SV2C: variants seen among roughly 807,000 people sequenced by gnomAD.
The protein encoded by SV2C is solute carrier family 22 member B3.
A neutral mutation model predicts 79.7 loss-of-function variants in SV2C; 49 were observed. The ratio of observed to expected loss-of-function variants is 0.61; its 90% CI spans 0.49 to 0.78. SV2C has a LOEUF of 0.78. SV2C is among the 30% of genes least tolerant of loss of function. The pLI is 0.00. For missense variants in SV2C, 833 were observed against 912.9 expected (o/e 0.91, Z 1.13); for synonymous variants, 334 against 333.2 (o/e 1.00, Z -0.03).
chr5:76,183,209 G>A (rs1021112261), intron 2 of SV2C, among the ~76,000 whole-genome samples: 19 of 151,520 alleles, frequency 1.3e-4, no homozygotes, highest in Non-Finnish European at 1.9e-4. Context: ...ATTTTTCGTA[G>A]AGACAGGGTT....
At chr5:76,098,345 T>C (rs1747632383) in intron 1 of SV2C, among the ~76,000 whole-genome samples, 1 of 152,114 alleles carries the variant, frequency 6.6e-6, no homozygotes, top group African/African-American at 2.4e-5. Context: ...GATATTATAT[T>C]TTCCTATTAA....
the SV2C span, among the ~76,000 whole-genome samples, chr5:75,979,680 G>A: frequency 3.9e-5 from 6 of 151,922 alleles, no homozygotes; most frequent in Admixed American, 2.6e-4. Flanking sequence ...TGAAACTAAT[G>A]AGAACGAAGA....
At chr5:76,351,139 G>GA in intron 12 of SV2C, among the ~76,000 whole-genome samples, 1 of 152,160 alleles carries the variant, frequency 6.6e-6, no homozygotes, top group East Asian at 1.9e-4. Context: ...GGCGGCCATT[G>GA]ACCTGAATAA....
the SV2C span, among the ~76,000 whole-genome samples, chr5:76,025,173 GT>G: frequency 0.068 from 9,410 of 138,302 alleles, 436 homozygotes; most frequent in African/African-American, 0.14. Context: ...CCTTGAGCAC[GT>G]TTTTTTTTTT....
chr5:75,870,194 G>T, the SV2C span, among the ~76,000 whole-genome samples: 30 of 151,954 alleles, frequency 2.0e-4, no homozygotes, highest in Non-Finnish European at 1.0e-4. Context: ...GAGAAACAAA[G>T]ACATGTGACT....
chr5:76,198,486 A>C (rs1007499769), intron 3 of SV2C, among the ~76,000 whole-genome samples: 2 of 152,128 alleles, frequency 1.3e-5, no homozygotes, highest in East Asian at 3.9e-4. Flanking sequence ...CCAGATGCCC[A>C]GTCTTCCAGC....
At chr5:76,030,217 T>C in the SV2C span, among the ~76,000 whole-genome samples, 1 of 150,762 alleles carries the variant, frequency 6.6e-6, no homozygotes, top group South Asian at 2.1e-4. Flanking sequence ...CACATTTTGG[T>C]TTGGTTTAAT....
intron 1 of SV2C, among the ~76,000 whole-genome samples, chr5:76,090,964 C>T (rs986327124): frequency 2.0e-5 from 3 of 152,168 alleles, no homozygotes; most frequent in Admixed American, 1.3e-4. Context: ...CGACTAGCCT[C>T]TTTTAAAATG....
chr5:76,319,959 A>G (rs1324576627), intron 12 of SV2C, among the ~76,000 whole-genome samples: 1 of 152,158 alleles, frequency 6.6e-6, no homozygotes, highest in Non-Finnish European at 1.5e-5. Context: ...TTATCTTACT[A>G]CTACAACATA....
chr5:75,920,394 AT>A, the SV2C span, among the ~76,000 whole-genome samples: 1 of 152,370 alleles, frequency 6.6e-6, no homozygotes, highest in East Asian at 1.9e-4. Flanking sequence ...GTCATCAAAA[AT>A]AAATGCAGTT....
chr5:76,291,362 G>A (rs1747558198), intron 7 of SV2C, 31 bp downstream of exon 7: 1 of 1,531,752 alleles, frequency 6.5e-7, no homozygotes, highest in Middle Eastern at 1.7e-4. Context: ...TGACCTGCAT[G>A]TTAATTTATT....
chr5:76,264,265 G>A (rs564478190), intron 4 of SV2C, among the ~76,000 whole-genome samples: 2 of 151,974 alleles, frequency 1.3e-5, no homozygotes, highest in African/African-American at 4.8e-5. Context: ...TTCTCCTGCT[G>A]TGTTTTTCAG....
the SV2C span, among the ~76,000 whole-genome samples, chr5:76,040,079 A>G: frequency 1.3e-5 from 2 of 152,234 alleles, no homozygotes; most frequent in Non-Finnish European, 2.9e-5. Context: ...AGTTATATAT[A>G]TCTCCTTGCT....
At chr5:76,208,127 T>A (rs944737367) in intron 3 of SV2C, among the ~76,000 whole-genome samples, 2 of 152,176 alleles carry the variant, frequency 1.3e-5, no homozygotes, top group Non-Finnish European at 2.9e-5. Flanking sequence ...CTGATATAGA[T>A]GCCTAAAGTT....
chr5:75,953,292 C>T, the SV2C span, among the ~76,000 whole-genome samples: 3 of 151,926 alleles, frequency 2.0e-5, no homozygotes, highest in Non-Finnish European at 2.9e-5. Flanking sequence ...CTTCCATGAC[C>T]AAATACCTCC....
chr5:76,066,604 T>TA, the SV2C span, among the ~76,000 whole-genome samples: 2 of 151,400 alleles, frequency 1.3e-5, no homozygotes, highest in Non-Finnish European at 2.9e-5. Context: ...TAAAGCATAA[T>TA]AAAAAAGAAG....
chr5:76,254,230 A>T (rs1015735569), intron 4 of SV2C, among the ~76,000 whole-genome samples: 1 of 147,872 alleles, frequency 6.8e-6, no homozygotes, highest in African/African-American at 2.5e-5. Flanking sequence ...GTGTATATAT[A>T]TGTGTGTGTG....
chr5:76,200,576 T>G (rs1744411488), intron 3 of SV2C, among the ~76,000 whole-genome samples: 1 of 152,232 alleles, frequency 6.6e-6, no homozygotes, highest in African/African-American at 2.4e-5. Flanking sequence ...TGCTGAAGCA[T>G]CATTAGCAGC....
At chr5:75,965,578 A>G in the SV2C span, among the ~76,000 whole-genome samples, 2 of 152,178 alleles carry the variant, frequency 1.3e-5, no homozygotes, top group African/African-American at 4.8e-5. Context: ...CTCAGCCTCC[A>G]GAACTGTGAG....
Sources: gnomAD v4.1 joint callset for allele counts (sites outside exome capture counted in the v4.1 genomes callset) on GRCh38, gnomAD v4.1.1 for gene constraint, MANE v1.5 for transcripts, NCBI Gene and HGNC (gene_info 2026-07-23, HGNC 2026-07-21) for gene names.